Variants in DNAH2 observed in about 807,000 individuals in gnomAD.
The protein encoded by DNAH2 is axonemal beta dynein heavy chain 2.
A neutral mutation model predicts 523.5 loss-of-function variants in DNAH2; 323 were observed. The observed-to-expected ratio is 0.62, with a 90% CI of 0.56 to 0.68. The LOEUF (loss-of-function observed/expected upper bound fraction) is 0.68. Among genes scored for constraint, DNAH2 ranks in the 30% least tolerant of loss-of-function variants. The probability of loss-of-function intolerance (pLI) is 0.00; values close to 1 mark genes in which losing one functional copy is unlikely to be tolerated. For synonymous variants in DNAH2, 2,093 were observed against 2,177.4 expected (o/e 0.96, Z 1.08); for missense variants, 4,907 against 5,701.5 (o/e 0.86, Z 4.49).
intron 48 of DNAH2, among the ~76,000 whole-genome samples, chr17:7,793,447 TTTTCTTTCTTTCTTTCTTTC>T (rs557051250): frequency 1.8e-4 from 17 of 96,416 alleles, no homozygotes; most frequent in East Asian, 2.7e-4. Context: ...CTTTCTTTCT[TTTTCTTTCTTTCTTTCTTTC>T]TTTCTTTCTT....
intron 55 of DNAH2, 71 bp from the exon 56 acceptor site, chr17:7,799,032 C>A: frequency 6.3e-7 from 1 of 1,578,720 alleles, no homozygotes; most frequent in South Asian, 1.1e-5. Context: ...GTCAGCCCCA[C>A]CTGACCCGCT....
chr17:7,794,066 C>T (rs1161236196), intron 48 of DNAH2, among the ~76,000 whole-genome samples, 188 bp from the exon 49 acceptor site: 3 of 152,070 alleles, frequency 2.0e-5, no homozygotes, highest in African/African-American at 4.8e-5. Context: ...TCCCATGTCC[C>T]TTCCTTCTCT....
chr17:7,734,430 G>A (rs759173601), intron 6 of DNAH2, 40 bp from the exon 7 acceptor site: 4 of 1,608,034 alleles, frequency 2.5e-6, no homozygotes, highest in African/African-American at 1.3e-5. Context: ...TTGGGAAGCA[G>A]TGTGAAGAAA....
At chr17:7,810,591 G>A (rs1597734136) in intron 63 of DNAH2, among the ~76,000 whole-genome samples, 2 of 152,058 alleles carry the variant, frequency 1.3e-5, no homozygotes, top group Admixed American at 1.3e-4. Context: ...GTTTCACCAC[G>A]TTGGCCAGGC....
intron 13 of DNAH2, 146 bp from the exon 14 acceptor site, chr17:7,758,349 G>T (rs1254799358): frequency 9.4e-7 from 1 of 1,068,938 alleles, no homozygotes; most frequent in East Asian, 2.5e-5. Flanking sequence ...ATTGCAAAAA[G>T]TTCTTTTGGA....
chr17:7,740,795 C>T lies in DNAH2; in HGVS notation c.1507-15C>T. The T allele has an allele frequency of 1.9e-6, 3 of 1,594,942 alleles. No individual in the cohort carries two copies. Among genetic ancestry groups the T allele is most frequent in the Non-Finnish European group, 2.6e-6 (3 of 1,164,340 alleles). The stretch of plus-strand genomic sequence containing the variant: ...TTCCCGGGCACGTCGCCAGCCTCTT[C>T]CTCTTCTTCCCTAGGCTATCAAGCG... On this transcript the variant is annotated splice_polypyrimidine_tract_variant and intron_variant, in intron 10 of 85. Coordinates refer to ENST00000572933, the MANE Select transcript of DNAH2 (RefSeq NM_020877.5).
intron 13 of DNAH2, 38 bp from the exon 14 acceptor site, chr17:7,758,457 C>A (rs200546659): frequency 1.2e-4 from 199 of 1,595,144 alleles, no homozygotes; most frequent in Non-Finnish European, 1.1e-4. Context: ...ATCTTCAGGG[C>A]TTGTCCCCTC....
intron 39 of DNAH2, among the ~76,000 whole-genome samples, chr17:7,784,948 C>T (rs577877256): frequency 6.6e-6 from 1 of 152,172 alleles, no homozygotes; most frequent in East Asian, 1.9e-4. Flanking sequence ...CTTTTAGGAA[C>T]AGATAATGCA....
intron 5 of DNAH2, 27 bp from the exon 6 acceptor site, chr17:7,734,156 C>T (rs1320333278): frequency 1.3e-6 from 2 of 1,558,154 alleles, no homozygotes; most frequent in Non-Finnish European, 1.7e-6. Flanking sequence ...CCCCTCTGTC[C>T]ACTTCCACAA....
At chr17:7,725,482 G>C (rs1371179706) in intron 3 of DNAH2, among the ~76,000 whole-genome samples, 1 of 140,742 alleles carries the variant, frequency 7.1e-6, no homozygotes, top group Non-Finnish European at 1.5e-5. Context: ...ACCCAGGTTG[G>C]AGTGCAGTGG....
At chr17:7,761,658 T>C (rs1170340607) in intron 18 of DNAH2, among the ~76,000 whole-genome samples, 1 of 152,096 alleles carries the variant, frequency 6.6e-6, no homozygotes. Context: ...CTAATTTTTG[T>C]ATTTTTAGTA....
At chr17:7,768,436 G>A (rs2076230246) in intron 24 of DNAH2, among the ~76,000 whole-genome samples, 169 bp downstream of exon 24, 2 of 152,154 alleles carry the variant, frequency 1.3e-5, no homozygotes, top group Non-Finnish European at 2.9e-5. Context: ...TTTGATGGAC[G>A]CATGAAAATT....
In DNAH2 at chr17:7,768,287, C is replaced by G. The variant is rs746481617; in HGVS notation, c.3941+20C>G. The G allele has an allele frequency of 6.2e-7, 1 of 1,613,484 alleles. No homozygotes were observed. The highest frequency in any genetic ancestry group is 8.5e-7 in the Non-Finnish European group (1 of 1,179,546). On this transcript the variant is annotated intron_variant, in intron 24 of 85. Transcript: ENST00000572933. Reference sequence around the variant, plus strand: ...AGAGAGGTGAGGCTTCTCCTCTGCTCCGGGGTGTCCACTCTGCCCCGCTGG... The same window carrying G: ...AGAGAGGTGAGGCTTCTCCTCTGCTGCGGGGTGTCCACTCTGCCCCGCTGG...
In DNAH2 at chr17:7,757,177, G is replaced by C. The variant is rs1567647265; in HGVS notation, c.1991G>C (p.Arg664Pro). 6.2e-7 allele frequency: 1 copy of C among 1,614,190 alleles called. No homozygotes were observed. The highest frequency in any genetic ancestry group is 8.5e-7 in the Non-Finnish European group (1 of 1,180,032). ...TPHYVVNVAERAEDLRILREN... is the reference protein window; with the variant it reads ...TPHYVVNVAEPAEDLRILREN... ...CATTACGTGGTGAACGTAGCTGAGC[G>C]AGCCGAGGACCTGCGCATTCTGCGT... is the stretch of plus-strand genomic sequence containing the variant. Residue 664 changes from arginine to proline, a missense_variant, in exon 13 of 86, where the codon CGA becomes CCA. By Grantham distance (103) the Arg-to-Pro change is moderately radical. This residue lies in a region of DNAH2 where 2,806 missense variants were observed against 3,190.8 expected (regional missense o/e 0.88). Transcript: ENST00000572933.
intron 56 of DNAH2, among the ~76,000 whole-genome samples, chr17:7,800,683 G>A (rs1002899991): frequency 3.3e-5 from 5 of 149,964 alleles, no homozygotes; most frequent in African/African-American, 1.2e-4. Context: ...TGGCTAACAC[G>A]GTGAAACCCC....
At chr17:7,762,910 C>A (rs1314212780) in intron 18 of DNAH2, among the ~76,000 whole-genome samples, 2 of 148,572 alleles carry the variant, frequency 1.3e-5, no homozygotes, top group African/African-American at 5.0e-5. Flanking sequence ...AAAAAAAAAA[C>A]CTGCCTGAGG....
Position 7,824,153 on chromosome 17 carries a change from C to T in DNAH2, c.11511C>T (p.Leu3837=), listed in dbSNP as rs774903687. ...AGGATTCAACCCCACGATCCCCACT[C>T]GTGTTCATCCTGTCCCCTGGTGTGG... is the stretch of plus-strand genomic sequence containing the variant. ...VLEDSTPRSP[L]VFILSPGVDP... The change falls in exon 76 of 86, where the codon CTC becomes CTT. Residue 3837 remains leucine, a synonymous_variant. Coordinates refer to ENST00000572933, the MANE Select transcript of DNAH2 (RefSeq NM_020877.5). 2.5e-6 allele frequency: 4 copies of T among 1,577,880 alleles called. No homozygotes were observed. The highest frequency in any genetic ancestry group is 2.2e-5 in the East Asian group (1 of 44,630).
intron 22 of DNAH2, among the ~76,000 whole-genome samples, chr17:7,766,725 A>C (rs8072442): frequency 6.8e-6 from 1 of 147,144 alleles, no homozygotes; most frequent in Admixed American, 6.8e-5. Context: ...TCGGCTCACT[A>C]TAACCTCTGC....
intron 44 of DNAH2, among the ~76,000 whole-genome samples, chr17:7,790,456 A>T (rs2076866667): frequency 6.6e-6 from 1 of 152,146 alleles, no homozygotes; most frequent in Non-Finnish European, 1.5e-5. Flanking sequence ...TCCTGGACTC[A>T]AGTGATCCTC....
Sources: allele counts gnomAD v4.1 joint callset (sites outside exome capture counted in the v4.1 genomes callset), GRCh38; gene constraint gnomAD v4.1.1; regional missense constraint gnomAD v4.1.1; transcripts MANE v1.5; gene names NCBI Gene and HGNC (gene_info 2026-07-23, HGNC 2026-07-21).